The following C9orf72 variants were observed in gnomAD, a reference collection of about 807,000 sequenced individuals.
The protein encoded by C9orf72 is C9orf72-SMCR8 complex subunit, also known as guanine nucleotide exchange factor C9orf72.
C9orf72 carries 44 observed loss-of-function variants against 51.6 expected under a neutral mutation model. The ratio of observed to expected loss-of-function variants is 0.85; its 90% CI spans 0.67 to 1.10. C9orf72 has a LOEUF of 1.10. C9orf72 is among the 50% of genes least tolerant of loss of function. The pLI, the probability that C9orf72 is intolerant of heterozygous loss-of-function variation, is 0.00. For missense variants in C9orf72, 607 were observed against 570.6 expected (o/e 1.06, Z -0.65); for synonymous variants, 213 against 194.2 (o/e 1.10, Z -0.81).
chr9:27,556,685 C>T lies in C9orf72; in HGVS notation c.967G>A (p.Glu323Lys). Reference sequence around the variant, plus strand: ...TATCTACGCTGATTATAAATATGTTCATGACAGGGTGGCATCTGCTTCACA... The same window carrying T: ...TATCTACGCTGATTATAAATATGTTTATGACAGGGTGGCATCTGCTTCACA... ...NTVKQMPPCHEHIYNQRRYMR... is the reference protein window; with the variant it reads ...NTVKQMPPCHKHIYNQRRYMR... Residue 323 changes from glutamate (E) to lysine (K), a missense_variant, in exon 8 of 11, where the codon GAA becomes AAA. By Grantham distance (56) the Glu-to-Lys change is moderately conservative (BLOSUM62 1). Transcript: ENST00000380003. 6.2e-7 allele frequency: 1 copy of T among 1,613,914 alleles called. No homozygotes were observed. The highest frequency in any genetic ancestry group is 8.5e-7 in the Non-Finnish European group (1 of 1,179,894).
intron 9 of C9orf72, among the ~76,000 whole-genome samples, chr9:27,548,936 C>T (rs1820845316): frequency 6.6e-6 from 1 of 151,986 alleles, no homozygotes; most frequent in Non-Finnish European, 1.5e-5. Context: ...CCTACACCTC[C>T]TGGGTTCAAG....
intron 1 of C9orf72, among the ~76,000 whole-genome samples, chr9:27,569,605 G>T (rs772492094): frequency 2.0e-5 from 3 of 152,144 alleles, no homozygotes; most frequent in Non-Finnish European, 2.9e-5. Context: ...ATACTATCTA[G>T]GTTTGTGTAA....
chr9:27,556,852 GT>G (rs1410922396), intron 7 of C9orf72, 56 bp from the exon 8 acceptor site: 3 of 1,173,020 alleles, frequency 2.6e-6, no homozygotes, highest in African/African-American at 3.1e-5. Flanking sequence ...ATGAATAATT[GT>G]TTTTTAATTT....
intron 4 of C9orf72, 104 bp downstream of exon 4, chr9:27,562,277 T>C: frequency 2.3e-6 from 1 of 431,526 alleles, no homozygotes; most frequent in Non-Finnish European, 3.9e-6. Context: ...ATAGTATGTA[T>C]GACAAAGTCC....
At chr9:27,556,048 T>C (rs1662891749) in intron 8 of C9orf72, among the ~76,000 whole-genome samples, 1 of 151,112 alleles carries the variant, frequency 6.6e-6, no homozygotes, top group African/African-American at 2.4e-5. Context: ...GTTCAGGCTT[T>C]TTTTTTTAAA....
At position 27,553,421 on chromosome 9, in the gene C9orf72, T is replaced by C. The variant is rs148886036; in HGVS notation, c.1092-2714A>G. Among the ~76,000 whole-genome samples the C allele has an allele frequency of 2.9e-3, 434 of 152,170 alleles. 2 individuals are homozygous for C. Among genetic ancestry groups the C allele is most frequent in the African/African-American group, 0.01 (419 of 41,512 alleles). On this transcript the variant is annotated intron_variant, in intron 8 of 10. Coordinates refer to ENST00000380003, the MANE Select transcript of C9orf72 (RefSeq NM_018325.5). ...AAATAAAGCCACACACTTACAACCA[T>C]CTGATCTTCAACAAAGTTGACAAAA... is the stretch of plus-strand genomic sequence containing the variant.
chr9:27,562,230 T>C (rs1819366866), intron 4 of C9orf72, 151 bp downstream of exon 4: 3 of 365,756 alleles, frequency 8.2e-6, no homozygotes, highest in Non-Finnish European at 1.4e-5. Flanking sequence ...GGATTTTGTG[T>C]GTGCTTATTT....
intron 1 of C9orf72, among the ~76,000 whole-genome samples, chr9:27,570,390 GATAATC>G (rs1819559300): frequency 6.6e-6 from 1 of 152,090 alleles, no homozygotes; most frequent in African/African-American, 2.4e-5. Flanking sequence ...TAAAAAGGTG[GATAATC>G]ATAAAGGCAA....
chr9:27,556,760 CT>C lies in C9orf72; in HGVS notation c.891del (p.Val298SerfsTer11), dbSNP rs1563901203. On this transcript the variant is annotated frameshift_variant, in exon 8 of 11. Coordinates refer to ENST00000380003, the MANE Select transcript of C9orf72 (RefSeq NM_018325.5). LOFTEE classifies it high-confidence loss of function. ...STGSFVLPFR[Q>X]VMYAPYPTTH... ...GTGGTGGGATATGGAGCATACATGA[CT>C]TGCCGGAAAGGCAGCACAAAGCTTC... The C allele has an allele frequency of 6.2e-7, 1 of 1,613,926 alleles. No homozygotes were observed. Among genetic ancestry groups the C allele is most frequent in the Admixed American group, 1.7e-5 (1 of 59,996 alleles).
chr9:27,548,391 G>A lies in C9orf72; in HGVS notation c.1291C>T (p.Arg431Trp), dbSNP rs754552300. The change falls in exon 11 of 11, where the codon CGG becomes TGG. Residue 431 changes from arginine (R) to tryptophan (W), a missense_variant. By Grantham distance (101) the Arg-to-Trp change is moderately radical. Transcript: ENST00000380003. ...QKGKKPFKSL[R>W]NLKIDLDLTA... The stretch of plus-strand genomic sequence containing the variant: ...AAATCAAGGTCTATCTTCAGGTTCC[G>A]AAGAGATTTAAAGGGCTTTTTTCCC... 5.3e-5 allele frequency: 69 copies of A among 1,299,778 alleles called. No individual in the cohort carries two copies. In the South Asian group the frequency reaches 6.1e-4, roughly 12 times the overall value. 80.5% of individuals were successfully genotyped at this position (1,299,778 alleles called of 1,614,324 possible).
intron 1 of C9orf72, among the ~76,000 whole-genome samples, chr9:27,569,888 T>C (rs939179476): frequency 1.3e-5 from 2 of 152,248 alleles, no homozygotes; most frequent in Non-Finnish European, 2.9e-5. Context: ...TAAACAATTT[T>C]ACTTAAAGAA....
Position 27,548,116 on chromosome 9 carries a change from T to C in C9orf72, c.*120A>G, listed in dbSNP as rs1349172616. 1.5e-6 allele frequency: 1 copy of C among 656,242 alleles called. No individual in the cohort carries two copies. The highest frequency in any genetic ancestry group is 2.9e-5 in the East Asian group (1 of 34,830). The allele number at this position is 656,242 out of a possible 1,614,324, so 40.7% of individuals were successfully genotyped here. ...TGTGAGAACTGTAGTGTAACTTACT[T>C]AACTGCAATTGCTGAGAGCAGAATT... is the stretch of plus-strand genomic sequence containing the variant. On this transcript the variant is annotated 3_prime_UTR_variant, in exon 11 of 11. Coordinates refer to ENST00000380003, the MANE Select transcript of C9orf72 (RefSeq NM_018325.5).
chr9:27,560,545 TG>T, intron 5 of C9orf72: 1 of 676,660 alleles, frequency 1.5e-6, no homozygotes. Flanking sequence ...ATTTAATTAA[TG>T]TATTTATTTA....
intron 8 of C9orf72, among the ~76,000 whole-genome samples, chr9:27,552,450 A>G (rs1050302441): frequency 2.6e-5 from 4 of 151,586 alleles, no homozygotes; most frequent in Non-Finnish European, 4.4e-5. Flanking sequence ...CCGGGCTCAA[A>G]CAATCCTCCC....
Position 27,556,592 on chromosome 9 carries a change from T to C in C9orf72, c.1060A>G (p.Ile354Val), listed in dbSNP as rs963419379. 6.2e-7 allele frequency: 1 copy of C among 1,613,688 alleles called. No homozygotes were observed. The highest frequency in any genetic ancestry group is 1.3e-5 in the African/African-American group (1 of 74,904). ...GGAGTAAAGCTTTCGTCAGTGTAGA[T>C]GATCGTATCCTGAGCCATGTCTTCT... ...SEEDMAQDTI[I>V]YTDESFTPDL... Residue 354 changes from isoleucine (I) to valine (V), a missense_variant, in exon 8 of 11, where the codon ATC becomes GTC. Coordinates refer to ENST00000380003, the MANE Select transcript of C9orf72 (RefSeq NM_018325.5).
intron 6 of C9orf72, chr9:27,559,264 T>C (rs1819281039): frequency 1.6e-5 from 2 of 122,696 alleles, no homozygotes; most frequent in African/African-American, 2.8e-5. Context: ...ATGGGAAAAA[T>C]GTTTAAAAAA....
rs1417327220 is a variant in C9orf72, at chr9:27,567,144, A to C, written c.-24T>G. 1 of 1,591,926 alleles carries C rather than the reference A, an allele frequency of 6.3e-7. No individual in the cohort carries two copies. The highest frequency in any genetic ancestry group is 1.3e-5 in the African/African-American group (1 of 74,610). ...ATCACTGCATTCCAACTGTCACATT[A>C]TCCAAATGCTCCGGAGATATCTAAA... On this transcript the variant is annotated 5_prime_UTR_variant, in exon 2 of 11. Transcript: ENST00000380003.
intron 2 of C9orf72, among the ~76,000 whole-genome samples, chr9:27,566,234 C>T (rs1163562847): frequency 6.6e-6 from 1 of 152,136 alleles, no homozygotes; most frequent in Admixed American, 6.6e-5. Flanking sequence ...TCAACCTCCT[C>T]ATTTTATGAA....
intron 7 of C9orf72, among the ~76,000 whole-genome samples, chr9:27,557,061 T>C (rs111253152): frequency 2.6e-5 from 4 of 152,058 alleles, no homozygotes; most frequent in Admixed American, 2.0e-4. Flanking sequence ...CATCTATAGA[T>C]GAAGTTGTTG....
Sources: gnomAD v4.1 joint callset for allele counts (sites outside exome capture counted in the v4.1 genomes callset) on GRCh38, gnomAD v4.1.1 for gene constraint, MANE v1.5 for transcripts, NCBI Gene and HGNC (gene_info 2026-07-23, HGNC 2026-07-21) for gene names.